Variants in ARB2A observed in about 807,000 individuals in gnomAD.
The protein encoded by ARB2A is ARB2 cotranscriptional regulator A.
chr5:93,752,041 G>A, the ARB2A span, among the ~76,000 whole-genome samples: 1 of 152,162 alleles, frequency 6.6e-6, no homozygotes, highest in Non-Finnish European at 1.5e-5. Context: ...TTCAGGTCGG[G>A]GAAACTGGAA....
At chr5:93,647,245 A>G in the ARB2A span, among the ~76,000 whole-genome samples, 7 of 151,848 alleles carry the variant, frequency 4.6e-5, no homozygotes, top group East Asian at 1.2e-3. Context: ...TTCCCCCCCG[A>G]GACGGAGTCT....
chr5:94,007,620 A>G, the ARB2A span, among the ~76,000 whole-genome samples: 1 of 152,096 alleles, frequency 6.6e-6, no homozygotes, highest in African/African-American at 2.4e-5. Flanking sequence ...TAAAAATACA[A>G]AAAAATTAGC....
At chr5:93,865,091 T>G in the ARB2A span, among the ~76,000 whole-genome samples, 1 of 152,178 alleles carries the variant, frequency 6.6e-6, no homozygotes, top group Admixed American at 6.5e-5. Flanking sequence ...CTGGCTAATT[T>G]CTTTTTTTTT....
At chr5:94,004,177 G>C in the ARB2A span, among the ~76,000 whole-genome samples, 1 of 152,084 alleles carries the variant, frequency 6.6e-6, no homozygotes, top group Admixed American at 6.5e-5. Context: ...CTCACCATAT[G>C]CAAAAATTAA....
At chr5:93,719,785 A>G in the ARB2A span, among the ~76,000 whole-genome samples, 1 of 152,196 alleles carries the variant, frequency 6.6e-6, no homozygotes, top group Non-Finnish European at 1.5e-5. Flanking sequence ...AAAACCTAAA[A>G]TTTTAGCATC....
the ARB2A span, among the ~76,000 whole-genome samples, chr5:93,688,724 A>G: frequency 4.6e-5 from 7 of 152,138 alleles, no homozygotes; most frequent in Non-Finnish European, 1.0e-4. Flanking sequence ...TCTCCTAAAA[A>G]TATTTTCTCT....
At chr5:94,002,710 A>T in the ARB2A span, among the ~76,000 whole-genome samples, 1,412 of 150,158 alleles carry the variant, frequency 9.4e-3, 27 homozygotes, top group Middle Eastern at 0.01. Flanking sequence ...CTTTTTTTTT[A>T]AAAAAAAAGT....
At chr5:93,625,893 T>C in the ARB2A span, among the ~76,000 whole-genome samples, 1 of 152,232 alleles carries the variant, frequency 6.6e-6, no homozygotes, top group Non-Finnish European at 1.5e-5. Flanking sequence ...AAAACATTAC[T>C]GCATCTTCTG....
At chr5:94,095,528 C>A in the ARB2A span, among the ~76,000 whole-genome samples, 1 of 151,884 alleles carries the variant, frequency 6.6e-6, no homozygotes, top group Non-Finnish European at 1.5e-5. Flanking sequence ...TTTTCCTCTA[C>A]TAATTGCAAA....
chr5:93,860,907 A>T, the ARB2A span: 2 of 152,164 alleles, frequency 1.3e-5, no homozygotes, highest in African/African-American at 4.8e-5. Context: ...CGGCCTCCCA[A>T]AGTGCTAGGA....
the ARB2A span, among the ~76,000 whole-genome samples, chr5:94,052,102 T>C: frequency 1.2e-4 from 18 of 152,274 alleles, no homozygotes; most frequent in African/African-American, 4.1e-4. Flanking sequence ...ATTGCAGACA[T>C]GAGCCACCAC....
the ARB2A span, among the ~76,000 whole-genome samples, chr5:93,854,581 T>C: frequency 6.6e-6 from 1 of 152,238 alleles, no homozygotes; most frequent in Non-Finnish European, 1.5e-5. Flanking sequence ...CTGCTTTCTC[T>C]TCTGGGCATT....
chr5:93,931,572 T>C, the ARB2A span, among the ~76,000 whole-genome samples: 5 of 152,210 alleles, frequency 3.3e-5, no homozygotes, highest in Admixed American at 1.3e-4. Flanking sequence ...AATATACTAA[T>C]TGCCATGTTC....
At chr5:93,855,243 G>T in the ARB2A span, among the ~76,000 whole-genome samples, 1 of 152,052 alleles carries the variant, frequency 6.6e-6, no homozygotes. Context: ...GATCTTAGTT[G>T]GTTTAAAGTC....
At chr5:93,857,530 G>T in the ARB2A span, among the ~76,000 whole-genome samples, 1 of 152,298 alleles carries the variant, frequency 6.6e-6, no homozygotes, top group East Asian at 1.9e-4. Context: ...TTTCCAGTTT[G>T]ATCTCAGACT....
At chr5:93,624,358 A>AT in the ARB2A span, among the ~76,000 whole-genome samples, 3 of 152,148 alleles carry the variant, frequency 2.0e-5, no homozygotes, top group Admixed American at 2.0e-4. Context: ...CCTTATCAGA[A>AT]GTCTCTACTT....
At chr5:93,741,541 T>C in the ARB2A span, 10 of 1,587,246 alleles carry the variant, frequency 6.3e-6, no homozygotes, top group African/African-American at 1.2e-4. Flanking sequence ...GCAGAAGTGG[T>C]TTGAGGGCCT....
chr5:93,836,918 T>C, the ARB2A span, among the ~76,000 whole-genome samples: 1 of 152,188 alleles, frequency 6.6e-6, no homozygotes, highest in South Asian at 2.1e-4. Context: ...TGGAGATACC[T>C]TGAGACTATC....
chr5:93,924,497 T>C, the ARB2A span, among the ~76,000 whole-genome samples: 8 of 152,158 alleles, frequency 5.3e-5, no homozygotes, highest in Non-Finnish European at 1.2e-4. Flanking sequence ...AGAGTGCCAA[T>C]TTGTAACCAC....
Sources: gnomAD v4.1 joint callset for allele counts (sites outside exome capture counted in the v4.1 genomes callset) on GRCh38, gnomAD v4.1.1 for gene constraint, MANE v1.5 for transcripts, NCBI Gene and HGNC (gene_info 2026-07-23, HGNC 2026-07-21) for gene names.